Variants in COL5A2 observed in about 807,000 individuals in gnomAD.
COL5A2 encodes the protein collagen alpha-2(V) chain.
COL5A2 carries 23 observed loss-of-function variants against 208.2 expected under a neutral mutation model. That is an observed-to-expected ratio of 0.11 (90% confidence interval 0.08 to 0.16). COL5A2 has a LOEUF of 0.16. COL5A2 is among the 10% of genes least tolerant of loss of function. The pLI, the probability that COL5A2 is intolerant of heterozygous loss-of-function variation, is 1.00. For missense variants in COL5A2, 1,590 were observed against 1,956.4 expected (o/e 0.81, Z 3.53); for synonymous variants, 625 against 628.5 (o/e 0.99, Z 0.08).
chr2:189,193,205 T>C (rs1157474536), intron 1 of COL5A2, among the ~76,000 whole-genome samples: 2 of 152,224 alleles, frequency 1.3e-5, no homozygotes, highest in African/African-American at 4.8e-5. Context: ...CAATAAGCAA[T>C]GCAATGTTGC....
intron 1 of COL5A2, among the ~76,000 whole-genome samples, chr2:189,192,869 A>T (rs1688948326): frequency 6.6e-6 from 1 of 152,232 alleles, no homozygotes; most frequent in Non-Finnish European, 1.5e-5. Context: ...TCTTTATCTC[A>T]AGCATGGGTT....
intron 1 of COL5A2, among the ~76,000 whole-genome samples, chr2:189,205,020 C>T (rs1271313421): frequency 2.6e-5 from 4 of 152,134 alleles, no homozygotes; most frequent in South Asian, 2.1e-4. Flanking sequence ...CTCCTAACAC[C>T]GTTATCCTAA....
the COL5A2 span, among the ~76,000 whole-genome samples, chr2:189,437,890 A>G: frequency 2.0e-5 from 3 of 152,318 alleles, no homozygotes; most frequent in South Asian, 6.2e-4. Context: ...CATGGTGTTT[A>G]TATCTGTTGA....
At chr2:189,433,876 C>T in the COL5A2 span, among the ~76,000 whole-genome samples, 2 of 151,926 alleles carry the variant, frequency 1.3e-5, no homozygotes, top group African/African-American at 2.4e-5. Context: ...AGAGACACAA[C>T]AAAAAAAGAG....
chr2:189,439,985 G>A, the COL5A2 span, among the ~76,000 whole-genome samples: 1 of 152,222 alleles, frequency 6.6e-6, no homozygotes, highest in Admixed American at 6.5e-5. Context: ...AGAATCAAAA[G>A]TGATATTTTA....
chr2:189,280,669 T>C, the COL5A2 span, among the ~76,000 whole-genome samples: 25 of 152,252 alleles, frequency 1.6e-4, no homozygotes, highest in Non-Finnish European at 2.5e-4. Context: ...GGACAAGGTA[T>C]ATACATTTTA....
At chr2:189,235,813 C>T in the COL5A2 span, among the ~76,000 whole-genome samples, 1 of 151,654 alleles carries the variant, frequency 6.6e-6, no homozygotes, top group African/African-American at 2.4e-5. Flanking sequence ...GACAAGGCTG[C>T]ACCTACTGTT....
chr2:189,271,277 C>T, the COL5A2 span, among the ~76,000 whole-genome samples: 1 of 152,100 alleles, frequency 6.6e-6, no homozygotes, highest in Non-Finnish European at 1.5e-5. Context: ...ATTACAGTAA[C>T]CAAAACAGAA....
chr2:189,243,111 G>A, the COL5A2 span, among the ~76,000 whole-genome samples: 3 of 152,128 alleles, frequency 2.0e-5, no homozygotes, highest in African/African-American at 7.2e-5. Context: ...GCTTAGGAAT[G>A]TTGAAGCCAA....
At chr2:189,105,170 T>C (rs1248470255) in intron 2 of COL5A2, among the ~76,000 whole-genome samples, 1 of 151,722 alleles carries the variant, frequency 6.6e-6, no homozygotes, top group Non-Finnish European at 1.5e-5. Context: ...AAAAATAATA[T>C]TGTAATGAGT....
chr2:189,403,154 T>C, the COL5A2 span, among the ~76,000 whole-genome samples: 1 of 152,212 alleles, frequency 6.6e-6, no homozygotes, highest in Non-Finnish European at 1.5e-5. Context: ...TCCTATGTAT[T>C]GTATTCATTT....
the COL5A2 span, among the ~76,000 whole-genome samples, chr2:189,234,006 T>C: frequency 1.3e-5 from 2 of 151,750 alleles, no homozygotes; most frequent in Non-Finnish European, 2.9e-5. Flanking sequence ...CTATTTTCTT[T>C]GTTTTCTCTC....
chr2:189,369,860 G>A, the COL5A2 span, among the ~76,000 whole-genome samples: 1 of 152,152 alleles, frequency 6.6e-6, no homozygotes, highest in African/African-American at 2.4e-5. Flanking sequence ...CAGGTCACAC[G>A]ACTGAACTTC....
chr2:189,037,413 T>C (rs1011693854), intron 51 of COL5A2, among the ~76,000 whole-genome samples: 1 of 152,212 alleles, frequency 6.6e-6, no homozygotes, highest in Non-Finnish European at 1.5e-5. Context: ...TATATTTGTG[T>C]GTATATTATA....
At chr2:189,056,371 C>A (rs151233704) in intron 35 of COL5A2, among the ~76,000 whole-genome samples, 1 of 152,136 alleles carries the variant, frequency 6.6e-6, no homozygotes, top group Non-Finnish European at 1.5e-5. Context: ...TATTGTCCTT[C>A]GAGTCTGATT....
At chr2:189,377,017 C>T in the COL5A2 span, among the ~76,000 whole-genome samples, 16,595 of 152,160 alleles carry the variant, frequency 0.11, 1,229 homozygotes, top group South Asian at 0.17. Context: ...AACTAAGGCT[C>T]ATATGATCTT....
At chr2:189,143,819 A>G (rs893126329) in intron 1 of COL5A2, among the ~76,000 whole-genome samples, 2 of 152,186 alleles carry the variant, frequency 1.3e-5, no homozygotes, top group Non-Finnish European at 2.9e-5. Context: ...AAGGAGTAAG[A>G]TATTACTAGA....
chr2:189,064,134 A>G (rs1686094216), intron 25 of COL5A2, 101 bp from the exon 26 acceptor site: 1 of 899,238 alleles, frequency 1.1e-6, no homozygotes, highest in Non-Finnish European at 1.8e-6. Flanking sequence ...ACTGAATAGA[A>G]TGACATTTCT....
intron 40 of COL5A2, 65 bp from the exon 41 acceptor site, chr2:189,052,290 G>C (rs1450010772): frequency 1.3e-6 from 2 of 1,503,916 alleles, no homozygotes; most frequent in African/African-American, 2.8e-5. Context: ...GTATTTTCCT[G>C]GGATTTTTTT....
Sources: gnomAD v4.1 joint callset for allele counts (sites outside exome capture counted in the v4.1 genomes callset) on GRCh38, gnomAD v4.1.1 for gene constraint, MANE v1.5 for transcripts, NCBI Gene and HGNC (gene_info 2026-07-23, HGNC 2026-07-21) for gene names.